Variants in SRL observed in about 807,000 individuals in gnomAD.
SRL encodes sarcalumenin.
SRL carries 23 observed loss-of-function variants against 39.5 expected under a neutral mutation model. The ratio of observed to expected loss-of-function variants is 0.58; its 90% CI spans 0.42 to 0.82. The LOEUF (loss-of-function observed/expected upper bound fraction) is 0.82, where lower values mean the gene tolerates loss of function less well. SRL is among the 40% of genes least tolerant of loss of function. SRL has a pLI of 0.00. For missense variants in SRL, 592 were observed against 607.8 expected (o/e 0.97, Z 0.27); for synonymous variants, 272 against 237.4 (o/e 1.15, Z -1.34).
At chr16:4,241,735 CCT>C (rs2052775314) in intron 1 of SRL, among the ~76,000 whole-genome samples, 1 of 152,202 alleles carries the variant, frequency 6.6e-6, no homozygotes, top group African/African-American at 2.4e-5. Context: ...TGGCCAGACT[CCT>C]CTCTGACCCT....
chr16:4,192,652 A>G lies in SRL; in HGVS notation c.923T>C (p.Leu308Pro). The change falls in exon 6 of 6, where the codon CTC becomes CCC. Residue 308 changes from leucine (L) to proline (P), a missense_variant. Transcript: ENST00000399609. This position sits in a 1 kb window ranked among gnomAD's most constrained non-coding sequence, Gnocchi z 4.0. ...TTCTAGGAGGGAGATCTCTTCTTGGAGGAACAGTTCCTGATGGGTGTCCGG... is the reference window on the plus strand; with the variant it reads ...TTCTAGGAGGGAGATCTCTTCTTGGGGGAACAGTTCCTGATGGGTGTCCGG... ...YKPDTHQELF[L>P]QEEISLLEDL... The G allele has an allele frequency of 6.2e-7, 1 of 1,614,056 alleles. No individual in the cohort carries two copies. Among genetic ancestry groups the G allele is most frequent in the Non-Finnish European group, 8.5e-7 (1 of 1,180,012 alleles).
At chr16:4,197,064 T>TC (rs2052157742) in intron 4 of SRL, among the ~76,000 whole-genome samples, 1 of 72,572 alleles carries the variant, frequency 1.4e-5, no homozygotes, top group Non-Finnish European at 2.8e-5. Flanking sequence ...AATTTTCTTT[T>TC]TTTTTTTTTT....
intron 1 of SRL, chr16:4,207,110 C>T (rs921153581): frequency 1.5e-5 from 7 of 456,206 alleles, no homozygotes; most frequent in African/African-American, 6.0e-5. Flanking sequence ...CCTGGGGCTC[C>T]GTGGCCTCCT....
chr16:4,240,428 T>C lies in SRL; in HGVS notation c.61+1579A>G, dbSNP rs78272301. Among the ~76,000 whole-genome samples the C allele has an allele frequency of 8.1e-4, 123 of 151,902 alleles. 1 individual carries two copies. In the East Asian group the frequency reaches 0.021, roughly 26 times the overall value. On this transcript the variant is annotated intron_variant, in intron 1 of 5. Coordinates refer to ENST00000399609, the MANE Select transcript of SRL (RefSeq NM_001098814.2). The stretch of plus-strand genomic sequence containing the variant: ...GTATACAGTCCACAGTGGGGCAGAG[T>C]CCTGATAAAATCCACCACAGTGGAT...
chr16:4,228,748 A>G (rs1243508191), intron 1 of SRL, among the ~76,000 whole-genome samples: 1 of 152,066 alleles, frequency 6.6e-6, no homozygotes, highest in East Asian at 1.9e-4. Flanking sequence ...AAAAAAAGAA[A>G]AAAAGAAAGA....
At chr16:4,240,102 C>T (rs1457867605) in intron 1 of SRL, among the ~76,000 whole-genome samples, 2 of 152,136 alleles carry the variant, frequency 1.3e-5, no homozygotes, top group African/African-American at 2.4e-5. Flanking sequence ...GAGGAGAAGC[C>T]GGAGGAGAAG....
chr16:4,211,911 T>A (rs187572464), intron 1 of SRL, among the ~76,000 whole-genome samples: 5 of 152,108 alleles, frequency 3.3e-5, no homozygotes, highest in Non-Finnish European at 5.9e-5. Flanking sequence ...ATGAGAATGA[T>A]AGTGGTGATA....
At chr16:4,195,155 A>G (rs2052118929) in intron 5 of SRL, among the ~76,000 whole-genome samples, 2 of 152,080 alleles carry the variant, frequency 1.3e-5, no homozygotes, top group Non-Finnish European at 2.9e-5. Context: ...TTGGCCTCCC[A>G]GAGTGCTGGG....
intron 5 of SRL, 115 bp downstream of exon 5, chr16:4,195,438 T>A: frequency 9.7e-7 from 1 of 1,028,436 alleles, no homozygotes. Flanking sequence ...CCTCAAGGGA[T>A]CCTCCTGTCT....
At chr16:4,204,428 G>GATACAGCCCCGGCCTCCAAT in intron 2 of SRL, 105 bp downstream of exon 2, 2 of 1,073,608 alleles carry the variant, frequency 1.9e-6, no homozygotes, top group Non-Finnish European at 2.8e-6. Flanking sequence ...CGGCCTCCAA[G>GATACAGCCCCGGCCTCCAAT]ATACAGCCCC....
At chr16:4,228,288 T>G (rs922215680) in intron 1 of SRL, among the ~76,000 whole-genome samples, 1 of 151,712 alleles carries the variant, frequency 6.6e-6, no homozygotes, top group Non-Finnish European at 1.5e-5. Context: ...AATACAAAAA[T>G]TAGCTGGATA....
intron 3 of SRL, among the ~76,000 whole-genome samples, chr16:4,199,692 C>CT (rs201684866): frequency 0.032 from 3,549 of 111,208 alleles, 253 homozygotes; most frequent in African/African-American, 0.11. Flanking sequence ...CTTTTCTTTT[C>CT]CTTTTTTTTT....
Position 4,197,808 on chromosome 16 carries a change from G to A in SRL, c.367C>T (p.Leu123Phe). Residue 123 changes from leucine (L) to phenylalanine (F), a missense_variant, in exon 4 of 6, where the codon CTC (leucine) becomes TTC (phenylalanine). By Grantham distance (22) the Leu-to-Phe change is conservative. Transcript: ENST00000399609. The part of the protein sequence containing the change: ...LLGLENTRYQ[L>F]YTGAEPTTSE... The stretch of plus-strand genomic sequence containing the variant: ...CAAGAATATTGATTACCTGTATAGA[G>A]CTGATAGCGAGTATTTTCCAGCCCA... 6.3e-7 allele frequency: 1 copy of A among 1,597,814 alleles called. No individual in the cohort carries two copies. The highest frequency in any genetic ancestry group is 2.2e-5 in the East Asian group (1 of 44,824).
chr16:4,205,905 G>A (rs942988459), intron 1 of SRL, among the ~76,000 whole-genome samples: 9 of 151,358 alleles, frequency 5.9e-5, no homozygotes, highest in African/African-American at 9.7e-5. Context: ...ATGACTGCAC[G>A]ACTGCAGCCC....
rs751589197 is a variant in SRL at position 4,195,638 on chromosome 16, G to A, written c.525C>T (p.Gly175=). The part of the protein sequence containing the change: ...FGQNFLEKLI[G]IEVPHKLLER... Reference sequence around the variant, plus strand: ...CCAGAAGTTTGTGGGGAACCTCAATGCCAATCAGCTTCTCTAGGAAATTCT... The same window carrying A: ...CCAGAAGTTTGTGGGGAACCTCAATACCAATCAGCTTCTCTAGGAAATTCT... The change falls in exon 5 of 6, where the codon GGC becomes GGT. Residue 175 remains glycine, a synonymous_variant. Coordinates refer to ENST00000399609, the MANE Select transcript of SRL (RefSeq NM_001098814.2). 2 of 1,614,104 alleles carry A rather than the reference G, an allele frequency of 1.2e-6. No individual in the cohort carries two copies. Among genetic ancestry groups the A allele is most frequent in the South Asian group, 1.1e-5 (1 of 91,088 alleles).
intron 5 of SRL, 127 bp from the exon 6 acceptor site, chr16:4,193,091 A>G: frequency 2.6e-6 from 2 of 783,858 alleles, no homozygotes; most frequent in Non-Finnish European, 2.0e-6. Flanking sequence ...CTGGGTTTCT[A>G]CAGACTATTA....
At chr16:4,214,437 A>G (rs1259450149) in intron 1 of SRL, among the ~76,000 whole-genome samples, 1 of 152,220 alleles carries the variant, frequency 6.6e-6, no homozygotes, top group African/African-American at 2.4e-5. Flanking sequence ...GGGGGCAGGA[A>G]TCACTCTCCA....
intron 3 of SRL, among the ~76,000 whole-genome samples, chr16:4,201,749 G>A (rs1328020736): frequency 1.5e-5 from 2 of 136,894 alleles, no homozygotes; most frequent in African/African-American, 3.1e-5. Flanking sequence ...TCTGCCTCCC[G>A]GGTTCAAGCA....
At chr16:4,220,172 T>C (rs61241292) in intron 1 of SRL, among the ~76,000 whole-genome samples, 26,034 of 151,662 alleles carry the variant, frequency 0.17, 4,601 homozygotes, top group African/African-American at 0.45. Flanking sequence ...CTAGGCCAGG[T>C]GTGGAGGCTC....
Sources: allele counts gnomAD v4.1 joint callset (sites outside exome capture counted in the v4.1 genomes callset), GRCh38; gene constraint gnomAD v4.1.1; non-coding constraint Gnocchi (gnomAD v3.1); transcripts MANE v1.5; gene names NCBI Gene and HGNC (gene_info 2026-07-23, HGNC 2026-07-21).